The following PDE4D variants were observed in gnomAD, a reference collection of about 807,000 sequenced individuals.
PDE4D encodes the protein phosphodiesterase 4D.
A neutral mutation model predicts 87.4 loss-of-function variants in PDE4D; 24 were observed. The observed-to-expected ratio is 0.27, with a 90% CI of 0.20 to 0.39. PDE4D has a LOEUF of 0.39. PDE4D is among the 10% of genes least tolerant of loss of function. The pLI, the probability that PDE4D is intolerant of heterozygous loss-of-function variation, is 1.00. For missense variants in PDE4D, 714 were observed against 1,041.0 expected (o/e 0.69, Z 4.32); for synonymous variants, 384 against 383.2 (o/e 1.00, Z -0.02).
chr5:59,536,504 C>CAAAAAAAAAAAAAAAAAAAAAAAA (rs10586960), intron 1 of PDE4D, among the ~76,000 whole-genome samples: 3 of 56,374 alleles, frequency 5.3e-5, no homozygotes, highest in African/African-American at 1.9e-4. Context: ...GACTCAGCCT[C>CAAAAAAAAAAAAAAAAAAAAAAAA]AAAAAAAAAA....
chr5:59,248,279 T>C (rs1420985689), intron 1 of PDE4D, among the ~76,000 whole-genome samples: 1 of 151,060 alleles, frequency 6.6e-6, no homozygotes, highest in African/African-American at 2.4e-5. Flanking sequence ...GAGCCACTTT[T>C]TAGGAGACTG....
At chr5:59,853,734 C>A (rs1303774871) in intron 1 of PDE4D, among the ~76,000 whole-genome samples, 1 of 152,042 alleles carries the variant, frequency 6.6e-6, no homozygotes, top group Non-Finnish European at 1.5e-5. Context: ...TTAACATTCA[C>A]TTTTAGTGTA....
chr5:60,105,450 C>G (rs1776782572), intron 2 of PDE4D, among the ~76,000 whole-genome samples: 1 of 152,060 alleles, frequency 6.6e-6, no homozygotes, highest in Non-Finnish European at 1.5e-5. Flanking sequence ...AGGATATTAT[C>G]CAGGAGAACT....
chr5:59,480,452 T>C (rs56125266), intron 1 of PDE4D, among the ~76,000 whole-genome samples: 3,691 of 152,202 alleles, frequency 0.024, 161 homozygotes, highest in African/African-American at 0.084. Context: ...TGTCACAGAT[T>C]ACCTCCCTTA....
At chr5:59,919,143 C>T (rs1038644183) in intron 3 of PDE4D, among the ~76,000 whole-genome samples, 3 of 152,028 alleles carry the variant, frequency 2.0e-5, no homozygotes, top group African/African-American at 7.3e-5. Context: ...GTATTGTTCT[C>T]GAATTGATAA....
intron 3 of PDE4D, among the ~76,000 whole-genome samples, chr5:59,927,218 T>C (rs1755394408): frequency 6.6e-6 from 1 of 152,196 alleles, no homozygotes; most frequent in African/African-American, 2.4e-5. Flanking sequence ...ACTTCTAACA[T>C]TTCCTCTATT....
At chr5:60,183,704 A>G (rs1355597773) in intron 2 of PDE4D, among the ~76,000 whole-genome samples, 1 of 152,256 alleles carries the variant, frequency 6.6e-6, no homozygotes, top group African/African-American at 2.4e-5. Context: ...CAGATTCTAA[A>G]GAGAACTAAT....
chr5:59,623,516 C>T (rs1156665442), intron 1 of PDE4D, among the ~76,000 whole-genome samples: 4 of 152,212 alleles, frequency 2.6e-5, no homozygotes, highest in South Asian at 2.1e-4. Context: ...GTTCCATCTC[C>T]GAGGCTTGAA....
chr5:59,794,020 CACACACATGCACAG>C (rs904972185), intron 1 of PDE4D, among the ~76,000 whole-genome samples: 4 of 152,064 alleles, frequency 2.6e-5, no homozygotes, highest in Admixed American at 1.3e-4. Flanking sequence ...CATGTGTATA[CACACACATGCACAG>C]ACACACATGC....
chr5:59,555,579 A>G (rs1170315372), intron 1 of PDE4D, among the ~76,000 whole-genome samples: 1 of 152,106 alleles, frequency 6.6e-6, no homozygotes, highest in Admixed American at 6.6e-5. Context: ...AAAAGGAAGC[A>G]CTGTTTCCTG....
intron 1 of PDE4D, among the ~76,000 whole-genome samples, chr5:60,210,186 A>C (rs1021367513): frequency 1.3e-5 from 2 of 152,180 alleles, no homozygotes; most frequent in Non-Finnish European, 2.9e-5. Context: ...ATAAAAGCAA[A>C]GCTTTAGTAA....
chr5:59,408,190 C>T (rs1792032085), intron 1 of PDE4D, among the ~76,000 whole-genome samples: 1 of 152,192 alleles, frequency 6.6e-6, no homozygotes, highest in Non-Finnish European at 1.5e-5. Context: ...GCACAGGGCA[C>T]CACTACACTG....
intron 1 of PDE4D, among the ~76,000 whole-genome samples, chr5:60,428,318 T>A (rs1743894656): frequency 6.9e-6 from 1 of 144,116 alleles, no homozygotes; most frequent in African/African-American, 2.6e-5. Flanking sequence ...ATAGAAAAAA[T>A]AAAATGGCAC....
chr5:59,590,264 A>T (rs552344380), intron 1 of PDE4D, among the ~76,000 whole-genome samples: 1 of 152,346 alleles, frequency 6.6e-6, no homozygotes, highest in African/African-American at 2.4e-5. Flanking sequence ...ACAGTTAGGC[A>T]GAACTAATAG....
At chr5:60,033,047 T>A (rs558604232) in intron 2 of PDE4D, 1 of 152,290 alleles carries the variant, frequency 6.6e-6, no homozygotes, top group East Asian at 1.9e-4. Context: ...GTAGCATTTG[T>A]GATTAGAGAT....
intron 6 of PDE4D, among the ~76,000 whole-genome samples, chr5:58,997,586 G>T (rs1749520531): frequency 6.6e-6 from 1 of 151,960 alleles, no homozygotes; most frequent in African/African-American, 2.4e-5. Flanking sequence ...TTTTTTAAGT[G>T]ACCTCTAAAT....
chr5:59,386,383 C>T (rs434183), intron 1 of PDE4D, among the ~76,000 whole-genome samples: 57,334 of 151,834 alleles, frequency 0.38, 12,233 homozygotes, highest in African/African-American at 0.59. Context: ...GAAAATATTT[C>T]TTTTTATTAC....
chr5:59,731,765 C>T (rs1019678632), intron 1 of PDE4D, among the ~76,000 whole-genome samples: 1 of 152,088 alleles, frequency 6.6e-6, no homozygotes, highest in Admixed American at 6.6e-5. Context: ...CATTTCTTTG[C>T]TTACAAAATA....
chr5:59,798,852 G>T (rs549796438), intron 1 of PDE4D, among the ~76,000 whole-genome samples: 1 of 152,250 alleles, frequency 6.6e-6, no homozygotes, highest in Non-Finnish European at 1.5e-5. Flanking sequence ...AGCCTCTGTG[G>T]TATGGAAAAA....
Sources: allele counts gnomAD v4.1 joint callset (sites outside exome capture counted in the v4.1 genomes callset), GRCh38; gene constraint gnomAD v4.1.1; transcripts MANE v1.5; gene names NCBI Gene and HGNC (gene_info 2026-07-23, HGNC 2026-07-21).